Variants in APP observed in about 807,000 individuals in gnomAD.
APP encodes the protein amyloid beta precursor protein.
Under a neutral mutation model 101.4 loss-of-function variants are expected in APP, and 31 were observed. The observed-to-expected ratio is 0.31, with a 90% CI of 0.23 to 0.41. The LOEUF (loss-of-function observed/expected upper bound fraction) is 0.41. Ranked by LOEUF, APP falls within the 10% of genes least tolerant of loss-of-function variation. The probability of loss-of-function intolerance (pLI) is 1.00; values close to 1 mark genes in which losing one functional copy is unlikely to be tolerated. For synonymous variants in APP, 366 were observed against 364.4 expected, an observed-to-expected ratio of 1.00 and a Z score of -0.05; for missense variants, 839 against 1,003.7, an observed-to-expected ratio of 0.84 and a Z score of 2.22.
chr21:25,986,363 A>C lies in APP; in HGVS notation c.1091-3886T>G, dbSNP rs138576268. On this transcript the variant is annotated intron_variant, in intron 8 of 17. Coordinates refer to ENST00000346798, the MANE Select transcript of APP (RefSeq NM_000484.4). The stretch of plus-strand genomic sequence containing the variant: ...TTTGCATTTTAAACTACCATAAAGC[A>C]GTTTATCCTGCTCACAGACCTCTGA... Among the ~76,000 whole-genome samples, 23 of 152,334 alleles carry C rather than the reference A, an allele frequency of 1.5e-4. No individual in the cohort carries two copies. The East Asian group carries it at 4.2e-3, about 28-fold the overall frequency.
At chr21:25,989,245 G>C (rs1470566447) in intron 8 of APP, among the ~76,000 whole-genome samples, 1 of 152,194 alleles carries the variant, frequency 6.6e-6, no homozygotes, top group African/African-American at 2.4e-5. Context: ...AGACTCCTTA[G>C]AGGATAATCC....
At chr21:26,112,222 T>C in intron 1 of APP, 76 bp from the exon 2 acceptor site, 1 of 1,473,748 alleles carries the variant, frequency 6.8e-7, no homozygotes, top group Non-Finnish European at 9.5e-7. Flanking sequence ...CAGGGATAAC[T>C]ATCAAAAAGA....
intron 3 of APP, 27 bp downstream of exon 3, chr21:26,089,916 C>T: frequency 6.2e-7 from 1 of 1,613,686 alleles, no homozygotes. Context: ...CCCCAATCAA[C>T]ACCAGCCCCA....
intron 1 of APP, among the ~76,000 whole-genome samples, chr21:26,152,855 GACC>G (rs546705081): frequency 1.3e-3 from 193 of 152,258 alleles, no homozygotes; most frequent in Non-Finnish European, 2.2e-3. Context: ...ATGTTTACAG[GACC>G]ACAATTCACA....
chr21:25,884,362 G>C (rs569956582), intron 17 of APP, among the ~76,000 whole-genome samples: 1 of 152,194 alleles, frequency 6.6e-6, no homozygotes, highest in Non-Finnish European at 1.5e-5. Flanking sequence ...ACCAAGGCCA[G>C]TACTCAGAGG....
At chr21:26,027,722 G>T (rs73163780) in intron 5 of APP, among the ~76,000 whole-genome samples, 1 of 151,962 alleles carries the variant, frequency 6.6e-6, no homozygotes, top group South Asian at 2.1e-4. Flanking sequence ...CTAGTTGTGT[G>T]GTCTTAAAAA....
chr21:26,050,310 T>A (rs747919507), intron 5 of APP, among the ~76,000 whole-genome samples: 1 of 152,150 alleles, frequency 6.6e-6, no homozygotes, highest in Admixed American at 6.5e-5. Flanking sequence ...CAGCATAAAA[T>A]CAATGCCTGA....
At chr21:25,884,798 ATTTC>A (rs1367818984) in intron 17 of APP, among the ~76,000 whole-genome samples, 3 of 152,178 alleles carry the variant, frequency 2.0e-5, no homozygotes, top group African/African-American at 7.2e-5. Flanking sequence ...TTATACTTTT[ATTTC>A]TTCCAGGAGG....
At chr21:26,080,334 T>C (rs1027963007) in intron 3 of APP, among the ~76,000 whole-genome samples, 1 of 152,228 alleles carries the variant, frequency 6.6e-6, no homozygotes, top group Non-Finnish European at 1.5e-5. Flanking sequence ...TGGAATTTCC[T>C]ATAGAAATGG....
At chr21:26,064,351 A>G (rs2046378298) in intron 3 of APP, among the ~76,000 whole-genome samples, 2 of 152,242 alleles carry the variant, frequency 1.3e-5, no homozygotes, top group Admixed American at 1.3e-4. Context: ...TGCAAAGCCT[A>G]TGGGAACTCT....
At chr21:26,071,529 T>C (rs1471119786) in intron 3 of APP, among the ~76,000 whole-genome samples, 1 of 152,172 alleles carries the variant, frequency 6.6e-6, no homozygotes, top group Non-Finnish European at 1.5e-5. Context: ...GAGAAAACTG[T>C]GTGTGATTAA....
chr21:26,123,380 T>C (rs1432810907), intron 1 of APP, among the ~76,000 whole-genome samples: 1 of 152,228 alleles, frequency 6.6e-6, no homozygotes, highest in Non-Finnish European at 1.5e-5. Context: ...CAAACAGCAT[T>C]CTTGTTCATT....
chr21:26,020,913 A>C (rs1006451295), intron 6 of APP, among the ~76,000 whole-genome samples: 4 of 152,224 alleles, frequency 2.6e-5, no homozygotes, highest in Non-Finnish European at 5.9e-5. Flanking sequence ...TCAATAGAGA[A>C]AGTCTAAGAC....
At chr21:26,060,408 G>C (rs909606548) in intron 3 of APP, among the ~76,000 whole-genome samples, 1 of 152,156 alleles carries the variant, frequency 6.6e-6, no homozygotes, top group Non-Finnish European at 1.5e-5. Context: ...GGCTGGGAGG[G>C]GGTGTTTCCT....
At chr21:25,913,668 C>T (rs1021250966) in intron 13 of APP, among the ~76,000 whole-genome samples, 1 of 152,196 alleles carries the variant, frequency 6.6e-6, no homozygotes, top group Non-Finnish European at 1.5e-5. Flanking sequence ...CCAGGGGCTA[C>T]GCTGTTCTTG....
At chr21:25,989,442 C>A (rs986874118) in intron 8 of APP, among the ~76,000 whole-genome samples, 7 of 152,154 alleles carry the variant, frequency 4.6e-5, no homozygotes, top group Non-Finnish European at 1.0e-4. Flanking sequence ...TTTCCTCAGG[C>A]TCTGGGGTGA....
Position 26,002,032 on chromosome 21 carries a change from G to T in APP, c.866-1850C>A, listed in dbSNP as rs117486071. Among the ~76,000 whole-genome samples the T allele has an allele frequency of 1.5e-3, 228 of 152,346 alleles. 5 individuals are homozygous for T. In the East Asian group the frequency reaches 0.04, roughly 27 times the overall value. On this transcript the variant is annotated intron_variant, in intron 6 of 17. Coordinates refer to ENST00000346798, the MANE Select transcript of APP (RefSeq NM_000484.4). The stretch of plus-strand genomic sequence containing the variant: ...CAACAAGTTGGTTGGGTTTCATCCT[G>T]TAAGAGTATTGTGTACAGAAATCCA...
intron 3 of APP, among the ~76,000 whole-genome samples, chr21:26,066,563 G>T (rs2046461156): frequency 7.4e-6 from 1 of 135,660 alleles, no homozygotes; most frequent in South Asian, 2.4e-4. Flanking sequence ...TTTTGAATTT[G>T]ACTCTTCAAA....
chr21:26,149,413 T>G (rs1438784131), intron 1 of APP, among the ~76,000 whole-genome samples: 1 of 152,258 alleles, frequency 6.6e-6, no homozygotes, highest in African/African-American at 2.4e-5. Context: ...ATACAGTACC[T>G]GGTAATTAGT....
Sources: gnomAD v4.1 joint callset for allele counts (sites outside exome capture counted in the v4.1 genomes callset) on GRCh38, gnomAD v4.1.1 for gene constraint, MANE v1.5 for transcripts, NCBI Gene and HGNC (gene_info 2026-07-23, HGNC 2026-07-21) for gene names.